Variants in PTPRD observed in about 807,000 individuals in gnomAD.
PTPRD encodes the protein receptor-type tyrosine-protein phosphatase delta.
In PTPRD, 34 loss-of-function variants were observed where a neutral mutation model predicts 214.5. The ratio of observed to expected loss-of-function variants is 0.16; its 90% CI spans 0.12 to 0.21. The LOEUF (loss-of-function observed/expected upper bound fraction) is 0.21. Among genes scored for constraint, PTPRD ranks in the 10% least tolerant of loss-of-function variants. PTPRD has a pLI of 1.00. For missense variants in PTPRD, 2,545 were observed against 2,398.7 expected (o/e 1.06, Z -1.27); for synonymous variants, 1,128 against 845.7 (o/e 1.33, Z -5.79).
rs79239516 is a variant in PTPRD, at chr9:8,571,642, A to C, written c.353-42863T>G. 2.6e-5 allele frequency among the ~76,000 whole-genome samples: 4 copies of C among 152,272 alleles called. No homozygotes were observed. In the South Asian group the frequency reaches 8.3e-4, roughly 32 times the overall value. ...GCAAAGCCATATTAGAATTTATCCTAAATACCTCACTTTCAGATTTAGAAA... is the reference window on the plus strand; with the variant it reads ...GCAAAGCCATATTAGAATTTATCCTCAATACCTCACTTTCAGATTTAGAAA... On this transcript the variant is annotated intron_variant, in intron 14 of 45. Coordinates refer to ENST00000381196, the MANE Select transcript of PTPRD (RefSeq NM_002839.4).
chr9:10,432,102 G>A (rs1671825102), intron 2 of PTPRD, among the ~76,000 whole-genome samples: 1 of 151,800 alleles, frequency 6.6e-6, no homozygotes, highest in Non-Finnish European at 1.5e-5. Context: ...ATACTATGCA[G>A]CCATAAAAAA....
intron 7 of PTPRD, among the ~76,000 whole-genome samples, chr9:9,617,886 C>T (rs1467246869): frequency 6.6e-6 from 1 of 151,430 alleles, no homozygotes; most frequent in African/African-American, 2.4e-5. Context: ...TTCTGGCTAA[C>T]ATGGTGAAAC....
At chr9:9,557,368 A>G (rs990871812) in intron 8 of PTPRD, among the ~76,000 whole-genome samples, 2 of 152,178 alleles carry the variant, frequency 1.3e-5, no homozygotes, top group African/African-American at 4.8e-5. Context: ...CCGAACTCCA[A>G]CCTAACTCTA....
intron 3 of PTPRD, among the ~76,000 whole-genome samples, chr9:10,130,570 AGAACTG>A (rs2098858731): frequency 6.6e-6 from 1 of 152,210 alleles, no homozygotes; most frequent in Non-Finnish European, 1.5e-5. Flanking sequence ...AAATATTGGC[AGAACTG>A]AACTGCATTA....
chr9:9,722,515 A>G (rs1392170119), intron 7 of PTPRD, among the ~76,000 whole-genome samples: 1 of 152,080 alleles, frequency 6.6e-6, no homozygotes, highest in African/African-American at 2.4e-5. Context: ...GTTATGAATA[A>G]TGTTCCTCGG....
At chr9:8,767,364 G>A (rs535301509) in intron 11 of PTPRD, among the ~76,000 whole-genome samples, 11 of 152,116 alleles carry the variant, frequency 7.2e-5, no homozygotes, top group African/African-American at 1.7e-4. Flanking sequence ...TGATCCACCC[G>A]CCTTGGCCTC....
Position 10,461,730 on chromosome 9 carries a change from C to A in PTPRD, c.-599-120713G>T, listed in dbSNP as rs534522347. Reference sequence around the variant, plus strand: ...CTCTGCGTCCTGGGTTCAAGCAATTCTCCTGTTTCAGCCTCCTGAGTAACT... The same window carrying A: ...CTCTGCGTCCTGGGTTCAAGCAATTATCCTGTTTCAGCCTCCTGAGTAACT... On this transcript the variant is annotated intron_variant, in intron 2 of 45. Transcript: ENST00000381196. Among the ~76,000 whole-genome samples, 7 of 151,264 alleles carry A rather than the reference C, an allele frequency of 4.6e-5. No homozygotes were observed. The South Asian group carries it at 1.5e-3, about 32-fold the overall frequency.
intron 5 of PTPRD, among the ~76,000 whole-genome samples, chr9:9,809,470 T>C (rs2153536324): frequency 6.6e-6 from 1 of 152,038 alleles, no homozygotes; most frequent in East Asian, 1.9e-4. Context: ...GGTTTCACCA[T>C]TCACAGGATG....
intron 11 of PTPRD, among the ~76,000 whole-genome samples, chr9:9,014,194 TG>T (rs1348187923): frequency 4.7e-4 from 28 of 59,826 alleles, no homozygotes; most frequent in African/African-American, 1.3e-3. Flanking sequence ...TTTGTTTGTT[TG>T]TTTGTTTTTT....
intron 3 of PTPRD, among the ~76,000 whole-genome samples, chr9:10,202,516 T>G (rs1295401427): frequency 2.6e-5 from 4 of 151,374 alleles, no homozygotes; most frequent in Admixed American, 6.6e-5. Context: ...TATTTAGCTG[T>G]CATGATTGTT....
chr9:9,658,377 G>C (rs550041632), intron 7 of PTPRD, among the ~76,000 whole-genome samples: 39 of 152,164 alleles, frequency 2.6e-4, no homozygotes, highest in African/African-American at 9.4e-4. Context: ...TTCACATTTA[G>C]TACTTATAAT....
intron 3 of PTPRD, among the ~76,000 whole-genome samples, chr9:10,074,315 A>C (rs1170053186): frequency 2.0e-5 from 3 of 152,104 alleles, no homozygotes; most frequent in Non-Finnish European, 4.4e-5. Flanking sequence ...ACAGCAATGC[A>C]AAATAGCTTG....
chr9:10,351,307 G>T (rs2097178648), intron 2 of PTPRD, among the ~76,000 whole-genome samples: 1 of 151,988 alleles, frequency 6.6e-6, no homozygotes, highest in Admixed American at 6.6e-5. Flanking sequence ...GTTTAAAATA[G>T]CTGAACCCTG....
At chr9:9,817,413 G>A (rs2049114547) in intron 5 of PTPRD, among the ~76,000 whole-genome samples, 1 of 152,034 alleles carries the variant, frequency 6.6e-6, no homozygotes, top group African/African-American at 2.4e-5. Context: ...AAGTAAGTTG[G>A]TTATTTATAG....
At chr9:9,375,457 A>T (rs2060532076) in intron 9 of PTPRD, among the ~76,000 whole-genome samples, 1 of 151,962 alleles carries the variant, frequency 6.6e-6, no homozygotes, top group Admixed American at 6.6e-5. Context: ...TTAGCCAGGC[A>T]TGGTGGCATG....
At chr9:9,015,461 T>C (rs1358929783) in intron 11 of PTPRD, among the ~76,000 whole-genome samples, 1 of 152,124 alleles carries the variant, frequency 6.6e-6, no homozygotes, top group Non-Finnish European at 1.5e-5. Context: ...CCCTACATTG[T>C]CTGAAAAGGG....
At chr9:8,666,252 C>A (rs547123623) in intron 12 of PTPRD, among the ~76,000 whole-genome samples, 1 of 152,254 alleles carries the variant, frequency 6.6e-6, no homozygotes, top group East Asian at 1.9e-4. Flanking sequence ...CAAGAACCTA[C>A]AACTAAAATG....
At position 10,242,967 on chromosome 9, in the gene PTPRD, A is replaced by G. The variant is rs543362594; in HGVS notation, c.-545+97996T>C. On this transcript the variant is annotated intron_variant, in intron 3 of 45. Transcript: ENST00000381196. ...AGAGAGAGAGAGAGAGCCAAAGACA[A>G]AGATATGGTTATGTTTCAAAAATGA... Among the ~76,000 whole-genome samples the G allele has an allele frequency of 2.6e-5, 4 of 151,662 alleles. No homozygotes were observed. The South Asian group carries it at 8.3e-4, about 32-fold the overall frequency.
intron 12 of PTPRD, among the ~76,000 whole-genome samples, chr9:8,726,026 G>GACAGACACACAC (rs1416841611): frequency 7.3e-4 from 102 of 139,572 alleles, no homozygotes; most frequent in African/African-American, 2.7e-3. Context: ...CAGACAGACA[G>GACAGACACACAC]ACACACACAC....
Sources: gnomAD v4.1 joint callset for allele counts (sites outside exome capture counted in the v4.1 genomes callset) on GRCh38, gnomAD v4.1.1 for gene constraint, MANE v1.5 for transcripts, NCBI Gene and HGNC (gene_info 2026-07-23, HGNC 2026-07-21) for gene names.